MEP1A: variants seen among roughly 807,000 people sequenced by gnomAD.
The protein encoded by MEP1A is N-benzoyl-L-tyrosyl-P-amino-benzoic acid hydrolase subunit alpha.
MEP1A carries 68 observed loss-of-function variants against 84.5 expected under a neutral mutation model. The ratio of observed to expected loss-of-function variants is 0.80; its 90% confidence interval spans 0.66 to 0.98. MEP1A has a LOEUF of 0.98. Among genes scored for constraint, MEP1A ranks in the 50% least tolerant of loss-of-function variants. The pLI is 0.00. For synonymous variants in MEP1A, 337 were observed against 336.8 expected (o/e 1.00, Z -0.01); for missense variants, 887 against 919.9 (o/e 0.96, Z 0.46).
intron 3 of MEP1A, among the ~76,000 whole-genome samples, chr6:46,796,218 G>A (rs544056882): frequency 4.6e-5 from 7 of 152,236 alleles, no homozygotes; most frequent in Admixed American, 4.6e-4. Context: ...TCATCAACGG[G>A]TGTTGACCAA....
chr6:46,840,432 A>G (rs578232508), downstream of MEP1A, among the ~76,000 whole-genome samples: 3 of 152,262 alleles, frequency 2.0e-5, 1 homozygote, highest in South Asian at 4.2e-4. Flanking sequence ...CTAACAAGAT[A>G]TAAGAATGTG....
intron 5 of MEP1A, among the ~76,000 whole-genome samples, chr6:46,808,060 A>G (rs1767406429): frequency 6.6e-6 from 1 of 152,100 alleles, no homozygotes; most frequent in Non-Finnish European, 1.5e-5. Flanking sequence ...TTTAAAATTA[A>G]TCACTCTCAG....
chr6:46,835,596 G>T, intron 13 of MEP1A, 47 bp downstream of exon 13: 4 of 1,591,032 alleles, frequency 2.5e-6, no homozygotes, highest in Non-Finnish European at 3.4e-6. Context: ...GACCTGGGCC[G>T]TGTGCATGCT....
At chr6:46,812,433 C>A (rs141333978) in intron 6 of MEP1A, among the ~76,000 whole-genome samples, 6 of 151,864 alleles carry the variant, frequency 4.0e-5, no homozygotes, top group Admixed American at 3.9e-4. Context: ...ATTTTTGTTT[C>A]ATTTGTCTTT....
At position 46,836,873 on chromosome 6, in the gene MEP1A, G is replaced by C. The variant is rs543817859; in HGVS notation, c.2084+1324G>C. On this transcript the variant is annotated intron_variant, in intron 13 of 13. Coordinates refer to ENST00000230588, the MANE Select transcript of MEP1A (RefSeq NM_005588.3). ...CATTTGTGGCAAGATTAGTAAAGAT[G>C]TGCTATGCCTTCTCGCTGCAGCGTG... Among the ~76,000 whole-genome samples the C allele has an allele frequency of 4.3e-4, 64 of 149,984 alleles. 1 individual carries two copies. In the South Asian group the frequency reaches 0.012, roughly 29 times the overall value.
At chr6:46,818,226 A>T (rs906506490) in intron 6 of MEP1A, among the ~76,000 whole-genome samples, 2 of 152,216 alleles carry the variant, frequency 1.3e-5, no homozygotes, top group Admixed American at 1.3e-4. Flanking sequence ...AAAGAATTTT[A>T]TAGTATATAA....
chr6:46,825,338 A>C lies in MEP1A; in HGVS notation c.623A>C (p.Tyr208Ser). 6.2e-7 allele frequency: 1 copy of C among 1,613,726 alleles called. No individual in the cohort carries two copies. Among genetic ancestry groups the C allele is most frequent in the Non-Finnish European group, 8.5e-7 (1 of 1,179,814 alleles). Residue 208 changes from tyrosine (Y) to serine (S), a missense_variant, in exon 8 of 14, where the codon TAT becomes TCT. By Grantham distance (144) the Tyr-to-Ser change is moderately radical. Coordinates refer to ENST00000230588, the MANE Select transcript of MEP1A (RefSeq NM_005588.3). ...ACAGACCTCAATACACCCTATGATT[A>C]TGAGTCTTTGATGCACTACCAGCCT... ...LITDLNTPYD[Y>S]ESLMHYQPFS...
chr6:46,813,510 G>A (rs1011385855), intron 6 of MEP1A, among the ~76,000 whole-genome samples: 1 of 152,000 alleles, frequency 6.6e-6, no homozygotes, highest in Non-Finnish European at 1.5e-5. Context: ...CTGCTATTCT[G>A]TATCTTTTTA....
chr6:46,844,789 C>T, the MEP1A span, among the ~76,000 whole-genome samples: 1 of 152,134 alleles, frequency 6.6e-6, no homozygotes, highest in Non-Finnish European at 1.5e-5. Context: ...GCTTCCTTTG[C>T]AGGTAGATGG....
At chr6:46,837,022 C>T (rs531059906) in intron 13 of MEP1A, among the ~76,000 whole-genome samples, 17 of 152,126 alleles carry the variant, frequency 1.1e-4, no homozygotes, top group African/African-American at 2.2e-4. Context: ...GTAATTAATA[C>T]GTATATTGGG....
At chr6:46,830,429 G>C (rs1768053263) in intron 10 of MEP1A, among the ~76,000 whole-genome samples, 1 of 152,230 alleles carries the variant, frequency 6.6e-6, no homozygotes, top group South Asian at 2.1e-4. Context: ...ATGTTCCTAA[G>C]TGTCACTTTG....
At chr6:46,814,522 C>T (rs4482972) in intron 6 of MEP1A, among the ~76,000 whole-genome samples, 106,095 of 151,974 alleles carry the variant, frequency 0.7, 38,043 homozygotes, top group African/African-American at 0.86. Flanking sequence ...GGCTTAATAA[C>T]TGACCTTCAA....
At chr6:46,817,209 G>A (rs1422232954) in intron 6 of MEP1A, among the ~76,000 whole-genome samples, 1 of 152,194 alleles carries the variant, frequency 6.6e-6, no homozygotes, top group Non-Finnish European at 1.5e-5. Context: ...TAGGAAAGGA[G>A]AGGAGTCAAA....
At chr6:46,823,246 C>T (rs368420785) in intron 7 of MEP1A, among the ~76,000 whole-genome samples, 78 of 152,338 alleles carry the variant, frequency 5.1e-4, no homozygotes, top group African/African-American at 1.8e-3. Context: ...CGCCTGGCCA[C>T]ACCACACTTC....
intron 13 of MEP1A, 146 bp downstream of exon 13, chr6:46,835,695 G>T: frequency 2.3e-6 from 2 of 882,432 alleles, no homozygotes; most frequent in Non-Finnish European, 3.5e-6. Context: ...CTCTACAAAG[G>T]TGTGCCCTGG....
chr6:46,820,167 A>G (rs1415678955), intron 7 of MEP1A, among the ~76,000 whole-genome samples: 1 of 152,172 alleles, frequency 6.6e-6, no homozygotes, highest in Non-Finnish European at 1.5e-5. Context: ...AAAAATGTTT[A>G]AAAACAAAAA....
chr6:46,818,223 T>G (rs1049119162), intron 6 of MEP1A, among the ~76,000 whole-genome samples: 3 of 152,170 alleles, frequency 2.0e-5, no homozygotes. Context: ...ATTAAAGAAT[T>G]TTATAGTATA....
At chr6:46,793,604 G>GT in intron 2 of MEP1A, 28 bp downstream of exon 2, 6 of 1,566,456 alleles carry the variant, frequency 3.8e-6, no homozygotes, top group Non-Finnish European at 5.2e-6. Context: ...TGCACAGAGA[G>GT]TGTTTTTGAA....
intron 6 of MEP1A, among the ~76,000 whole-genome samples, chr6:46,813,586 T>C (rs1767558237): frequency 6.6e-6 from 1 of 152,164 alleles, no homozygotes; most frequent in Admixed American, 6.5e-5. Context: ...TTCTATACAT[T>C]GTGCAATTTG....
Sources: gnomAD v4.1 joint callset for allele counts (sites outside exome capture counted in the v4.1 genomes callset) on GRCh38, gnomAD v4.1.1 for gene constraint, MANE v1.5 for transcripts, NCBI Gene and HGNC (gene_info 2026-07-23, HGNC 2026-07-21) for gene names.